Variants in GJB7 observed in about 807,000 individuals in gnomAD.
GJB7 encodes gap junction protein beta 7, also known as gap junction beta-7 protein.
For missense variants in GJB7, 253 were observed against 256.8 expected, an observed-to-expected ratio of 0.99 and a Z score of 0.10; for synonymous variants, 87 against 95.2, an observed-to-expected ratio of 0.91 and a Z score of 0.50.
intron 2 of GJB7, among the ~76,000 whole-genome samples, chr6:87,309,595 G>C (rs1235929495): frequency 1.3e-5 from 2 of 152,212 alleles, no homozygotes; most frequent in Non-Finnish European, 2.9e-5. Context: ...AAGGCTGAAG[G>C]AAGAGGCTGA....
At position 87,288,688 on chromosome 6, in the gene GJB7, A is replaced by G. The variant is rs867972643; in HGVS notation, c.-27-3749T>C. On this transcript the variant is annotated intron_variant, in intron 2 of 2. Transcript: ENST00000525899. ...CAGTAAACTGCACCACCATCCGCCC[A>G]AGTGTTGAAGCCAGAAACTTGGAAG... Among the ~76,000 whole-genome samples the G allele has an allele frequency of 3.9e-5, 6 of 152,296 alleles. No homozygotes were observed. The South Asian group carries it at 1.2e-3, about 32-fold the overall frequency.
intron 2 of GJB7, among the ~76,000 whole-genome samples, chr6:87,321,295 A>G (rs1355593709): frequency 6.6e-6 from 1 of 152,136 alleles, no homozygotes; most frequent in African/African-American, 2.4e-5. Flanking sequence ...TTCCCCAACA[A>G]GAGACAGCTT....
intron 2 of GJB7, among the ~76,000 whole-genome samples, chr6:87,302,433 T>C (rs1034044566): frequency 6.6e-6 from 1 of 152,034 alleles, no homozygotes; most frequent in Non-Finnish European, 1.5e-5. Context: ...TATCAGTGAT[T>C]GAAGATCAAA....
At chr6:87,327,759 C>G (rs531615611) in intron 1 of GJB7, among the ~76,000 whole-genome samples, 3 of 145,520 alleles carry the variant, frequency 2.1e-5, no homozygotes, top group African/African-American at 7.7e-5. Context: ...CGAGGAGTAT[C>G]TTTGTGGCGT....
chr6:87,311,709 C>A (rs1776514506), intron 2 of GJB7, among the ~76,000 whole-genome samples: 1 of 152,138 alleles, frequency 6.6e-6, no homozygotes, highest in African/African-American at 2.4e-5. Flanking sequence ...CCTCAGTAAG[C>A]AAACTGATTG....
At position 87,297,377 on chromosome 6, in the gene GJB7, A is replaced by G. The variant is rs138311041; in HGVS notation, c.-27-12438T>C. 3.6e-3 allele frequency among the ~76,000 whole-genome samples: 550 copies of G among 152,342 alleles called. 2 individuals are homozygous for G. The highest frequency in any genetic ancestry group is 0.013 in the African/African-American group (528 of 41,580). On this transcript the variant is annotated intron_variant, in intron 2 of 2. Transcript: ENST00000525899. ...TTGGATGTGTCCAGTGATACCCAGCATCAAAAGAATGTGAGTTTGGAAGAG... is the reference window on the plus strand; with the variant it reads ...TTGGATGTGTCCAGTGATACCCAGCGTCAAAAGAATGTGAGTTTGGAAGAG...
At chr6:87,303,131 T>C (rs1338376150) in intron 2 of GJB7, among the ~76,000 whole-genome samples, 1 of 152,118 alleles carries the variant, frequency 6.6e-6, no homozygotes, top group Non-Finnish European at 1.5e-5. Context: ...ATGAGCAAAA[T>C]AACCAGCTAA....
intron 2 of GJB7, among the ~76,000 whole-genome samples, chr6:87,306,197 A>C (rs2127905391): frequency 6.6e-6 from 1 of 152,268 alleles, no homozygotes; most frequent in South Asian, 2.1e-4. Flanking sequence ...TAAACTAAAG[A>C]GCTTCTGCAC....
At chr6:87,298,405 T>A (rs757091042) in intron 2 of GJB7, among the ~76,000 whole-genome samples, 178 of 152,338 alleles carry the variant, frequency 1.2e-3, no homozygotes, top group South Asian at 2.3e-3. Flanking sequence ...GCTATTGGCA[T>A]ATCTTGGTGC....
chr6:87,313,480 C>A (rs1776539037), intron 2 of GJB7, among the ~76,000 whole-genome samples: 1 of 152,154 alleles, frequency 6.6e-6, no homozygotes, highest in Non-Finnish European at 1.5e-5. Flanking sequence ...TTGTGAAGTA[C>A]CTTCTCAGGA....
At chr6:87,285,777 GTCTT>G in intron 2 of GJB7, among the ~76,000 whole-genome samples, 1 of 152,136 alleles carries the variant, frequency 6.6e-6, no homozygotes, top group Non-Finnish European at 1.5e-5. Context: ...CTTGTTGACA[GTCTT>G]TCTTCCTTTA....
chr6:87,310,777 C>A (rs955392884), intron 2 of GJB7, among the ~76,000 whole-genome samples: 1 of 152,124 alleles, frequency 6.6e-6, no homozygotes. Context: ...TAAATGGATA[C>A]TAATCGCCAA....
At chr6:87,318,405 C>T (rs1167230339) in intron 2 of GJB7, among the ~76,000 whole-genome samples, 3 of 152,162 alleles carry the variant, frequency 2.0e-5, no homozygotes, top group Admixed American at 2.0e-4. Flanking sequence ...CAAAAATACA[C>T]ATATTTAAGT....
chr6:87,308,775 C>A (rs1776471491), intron 2 of GJB7, among the ~76,000 whole-genome samples: 1 of 151,304 alleles, frequency 6.6e-6, no homozygotes, highest in Non-Finnish European at 1.5e-5. Flanking sequence ...CTACTGAAAA[C>A]CAGAGACAGA....
At chr6:87,320,016 G>T (rs1240933195) in intron 2 of GJB7, among the ~76,000 whole-genome samples, 1 of 152,148 alleles carries the variant, frequency 6.6e-6, no homozygotes, top group East Asian at 1.9e-4. Context: ...AGGCTGGGAA[G>T]GGTAGTGGGG....
chr6:87,306,470 A>G lies in GJB7; in HGVS notation c.-28+16396T>C, dbSNP rs548321669. 2.0e-3 allele frequency among the ~76,000 whole-genome samples: 302 copies of G among 152,298 alleles called. 1 individual carries two copies. Among genetic ancestry groups the G allele is most frequent in the Non-Finnish European group, 2.9e-3 (198 of 68,032 alleles). On this transcript the variant is annotated intron_variant, in intron 2 of 2. Coordinates refer to ENST00000525899, the MANE Select transcript of GJB7 (RefSeq NM_198568.3). ...CAGAGAAATGCAAATCAAAACCACA[A>G]TGAGATACCATCTCACACCAGTTAG...
intron 1 of GJB7, among the ~76,000 whole-genome samples, 161 bp downstream of exon 1, chr6:87,328,977 G>T (rs1429282087): frequency 6.6e-6 from 1 of 152,172 alleles, no homozygotes; most frequent in African/African-American, 2.4e-5. Context: ...TAAGCCCGTC[G>T]GAAAAGCGCA....
chr6:87,284,217 T>G lies in GJB7; in HGVS notation c.*24A>C, dbSNP rs1193461284. ...GGGAGGGGTCCCTCTCCTACCACATTCAACATATCTGAGGCTGTGGCACTC... is the reference window on the plus strand; with the variant it reads ...GGGAGGGGTCCCTCTCCTACCACATGCAACATATCTGAGGCTGTGGCACTC... On this transcript the variant is annotated 3_prime_UTR_variant, in exon 3 of 3. Coordinates refer to ENST00000525899, the MANE Select transcript of GJB7 (RefSeq NM_198568.3). 2 of 1,589,566 alleles carry G rather than the reference T, an allele frequency of 1.3e-6. No homozygotes were observed. The highest frequency in any genetic ancestry group is 1.7e-6 in the Non-Finnish European group (2 of 1,164,020).
chr6:87,301,147 G>A (rs953815260), intron 2 of GJB7, among the ~76,000 whole-genome samples: 21 of 152,138 alleles, frequency 1.4e-4, no homozygotes, highest in African/African-American at 2.4e-4. Flanking sequence ...CTGAGGTACC[G>A]AGTTCAGCTC....
Sources: allele counts gnomAD v4.1 joint callset (sites outside exome capture counted in the v4.1 genomes callset), GRCh38; gene constraint gnomAD v4.1.1; transcripts MANE v1.5; gene names NCBI Gene and HGNC (gene_info 2026-07-23, HGNC 2026-07-21).